KCNH1: variants seen among roughly 807,000 people sequenced by gnomAD.
KCNH1 encodes potassium voltage-gated channel subfamily H member 1.
In KCNH1, 27 loss-of-function variants were observed where a neutral mutation model predicts 69.2. The observed-to-expected ratio is 0.39, with a 90% confidence interval of 0.29 to 0.54. The LOEUF (loss-of-function observed/expected upper bound fraction) is 0.54, where lower values mean the gene tolerates loss of function less well. KCNH1 is among the 20% of genes least tolerant of loss of function. The probability of loss-of-function intolerance (pLI) is 0.68; values close to 1 mark genes in which losing one functional copy is unlikely to be tolerated. For synonymous variants in KCNH1, 456 were observed against 487.7 expected, an observed-to-expected ratio of 0.93 and a Z score of 0.86; for missense variants, 798 against 1,261.6, an observed-to-expected ratio of 0.63 and a Z score of 5.57.
chr1:210,712,874 C>G (rs979507440), intron 10 of KCNH1, among the ~76,000 whole-genome samples: 1 of 152,148 alleles, frequency 6.6e-6, no homozygotes, highest in African/African-American at 2.4e-5. Context: ...GTGCCAAGGC[C>G]TTGAAGAAGT....
At chr1:210,856,877 CTATA>C (rs150446990) in intron 7 of KCNH1, among the ~76,000 whole-genome samples, 1 of 101,732 alleles carries the variant, frequency 9.8e-6, no homozygotes, top group Admixed American at 1.0e-4. Flanking sequence ...ATATAACCCA[CTATA>C]TATATATATA....
chr1:210,842,551 G>T (rs1385697708), intron 7 of KCNH1, among the ~76,000 whole-genome samples: 1 of 152,116 alleles, frequency 6.6e-6, no homozygotes, highest in Non-Finnish European at 1.5e-5. Flanking sequence ...TGGGGCACAG[G>T]GTTAGATCCT....
intron 6 of KCNH1, among the ~76,000 whole-genome samples, chr1:210,967,390 G>A (rs796676327): frequency 5.9e-4 from 90 of 152,126 alleles, no homozygotes; most frequent in African/African-American, 2.1e-3. Flanking sequence ...AAGGATATAA[G>A]GGGTTTTCCT....
At chr1:211,128,017 G>A (rs1305468099) in intron 1 of KCNH1, among the ~76,000 whole-genome samples, 1 of 152,148 alleles carries the variant, frequency 6.6e-6, no homozygotes, top group African/African-American at 2.4e-5. Context: ...CAGGCCAGGC[G>A]TGGTGGCTCG....
At chr1:210,731,835 C>CACCTAAAACATATGAATT (rs1682754833) in intron 10 of KCNH1, among the ~76,000 whole-genome samples, 1 of 152,132 alleles carries the variant, frequency 6.6e-6, no homozygotes, top group Non-Finnish European at 1.5e-5. Flanking sequence ...ATGAAGTTTG[C>CACCTAAAACATATGAATT]CCTGCCTAAT....
chr1:211,100,619 G>A (rs185841024), intron 3 of KCNH1, among the ~76,000 whole-genome samples: 156 of 152,304 alleles, frequency 1.0e-3, no homozygotes, highest in Middle Eastern at 3.4e-3. Flanking sequence ...CCAAAGTGCC[G>A]GGATTACAGG....
At chr1:210,811,911 C>T (rs1558480032) in intron 7 of KCNH1, among the ~76,000 whole-genome samples, 1 of 152,166 alleles carries the variant, frequency 6.6e-6, no homozygotes, top group East Asian at 1.9e-4. Context: ...ATCATCCATT[C>T]TCAAACTTCA....
chr1:211,023,157 AAT>A (rs1689620398), intron 5 of KCNH1, among the ~76,000 whole-genome samples: 1 of 97,760 alleles, frequency 1.0e-5, no homozygotes, highest in African/African-American at 3.8e-5. Flanking sequence ...TAAATAAATA[AAT>A]AAATTAAAAA....
chr1:210,865,660 T>C (rs1220635120), intron 7 of KCNH1, among the ~76,000 whole-genome samples: 2 of 152,240 alleles, frequency 1.3e-5, no homozygotes, highest in Non-Finnish European at 2.9e-5. Flanking sequence ...TGAAAAACAG[T>C]ATCTCCAGAT....
At chr1:210,935,399 G>A (rs1440154711) in intron 6 of KCNH1, among the ~76,000 whole-genome samples, 1 of 152,118 alleles carries the variant, frequency 6.6e-6, no homozygotes, top group South Asian at 2.1e-4. Context: ...TCGGTTATTG[G>A]ATACAAAATT....
At chr1:210,701,060 C>G (rs867961177) in intron 10 of KCNH1, among the ~76,000 whole-genome samples, 1 of 152,166 alleles carries the variant, frequency 6.6e-6, no homozygotes, top group African/African-American at 2.4e-5. Context: ...GCCTCAGCCT[C>G]CCAAGTAGCT....
chr1:210,715,436 G>A (rs1682202712), intron 10 of KCNH1, among the ~76,000 whole-genome samples: 1 of 151,896 alleles, frequency 6.6e-6, no homozygotes, highest in Non-Finnish European at 1.5e-5. Context: ...GGAGGCCAAG[G>A]CAGGAGGGTT....
At chr1:210,833,634 C>A (rs922679671) in intron 7 of KCNH1, among the ~76,000 whole-genome samples, 4 of 152,132 alleles carry the variant, frequency 2.6e-5, no homozygotes, top group African/African-American at 9.7e-5. Context: ...GCAAGGACTT[C>A]ATGTCTAAAA....
At chr1:210,907,494 A>G (rs1687125472) in intron 7 of KCNH1, among the ~76,000 whole-genome samples, 1 of 151,828 alleles carries the variant, frequency 6.6e-6, no homozygotes, top group Non-Finnish European at 1.5e-5. Context: ...TTCTGGCCCA[A>G]GCTCAAATCA....
intron 7 of KCNH1, among the ~76,000 whole-genome samples, chr1:210,913,223 T>G (rs1418327376): frequency 6.6e-6 from 1 of 152,178 alleles, no homozygotes; most frequent in Admixed American, 6.5e-5. Context: ...AAAAGAACTC[T>G]AACGATAAAT....
chr1:211,126,996 G>A (rs1035763525), intron 1 of KCNH1, among the ~76,000 whole-genome samples: 7 of 152,148 alleles, frequency 4.6e-5, no homozygotes, highest in South Asian at 2.1e-4. Context: ...TGGGTGAGGT[G>A]TTTATAAAGG....
At chr1:210,888,341 A>G (rs536410708) in intron 7 of KCNH1, among the ~76,000 whole-genome samples, 129 of 152,326 alleles carry the variant, frequency 8.5e-4, no homozygotes, top group Non-Finnish European at 1.2e-3. Flanking sequence ...GCAGAAATAA[A>G]TAAGTTCCTT....
At chr1:210,721,305 G>A (rs12022982) in intron 10 of KCNH1, among the ~76,000 whole-genome samples, 27,970 of 152,082 alleles carry the variant, frequency 0.18, 2,854 homozygotes, top group African/African-American at 0.27. Flanking sequence ...GGCCACCTAC[G>A]AGGAGCTAGC....
chr1:210,987,658 G>T (rs1366713381), intron 6 of KCNH1, among the ~76,000 whole-genome samples: 2 of 152,168 alleles, frequency 1.3e-5, no homozygotes, highest in Non-Finnish European at 2.9e-5. Flanking sequence ...TGTCTCAGAG[G>T]AGTACCCGGC....
Sources: allele counts gnomAD v4.1 joint callset (sites outside exome capture counted in the v4.1 genomes callset), GRCh38; gene constraint gnomAD v4.1.1; transcripts MANE v1.5; gene names NCBI Gene and HGNC (gene_info 2026-07-23, HGNC 2026-07-21).